Variants in POM121 observed in about 807,000 individuals in gnomAD.
The protein encoded by POM121 is nuclear envelope pore membrane protein POM 121.
A neutral mutation model predicts 81.3 loss-of-function variants in POM121; 32 were observed. The ratio of observed to expected loss-of-function variants is 0.39; its 90% CI spans 0.30 to 0.53. The LOEUF (loss-of-function observed/expected upper bound fraction) is 0.53. POM121 is among the 20% of genes least tolerant of loss of function. The pLI, the probability that POM121 is intolerant of heterozygous loss-of-function variation, is 0.66. For missense variants in POM121, 1,138 were observed against 1,614.6 expected (o/e 0.70, Z 5.06); for synonymous variants, 514 against 694.2 (o/e 0.74, Z 4.08).
At chr7:72,950,342 G>A (rs1797970838), downstream of POM121, 1 of 838,198 alleles carries the variant, frequency 1.2e-6, no homozygotes, top group Non-Finnish European at 1.9e-6. Flanking sequence ...GCAGTTGAGG[G>A]AATGGGTTGT....
chr7:72,887,293 G>C (rs530270201), intron 1 of POM121, among the ~76,000 whole-genome samples: 1 of 151,862 alleles, frequency 6.6e-6, no homozygotes, highest in African/African-American at 2.4e-5. Context: ...CTCTGTGCCG[G>C]TTGTGAACTC....
chr7:72,941,030 G>A (rs1554500824), intron 10 of POM121, 37 bp downstream of exon 10: 1 of 1,610,522 alleles, frequency 6.2e-7, no homozygotes, highest in Admixed American at 1.7e-5. Context: ...AGCCTTCTGA[G>A]CAGCATCCCC....
At chr7:72,905,219 T>G (rs1319964078) in intron 3 of POM121, among the ~76,000 whole-genome samples, 2 of 152,206 alleles carry the variant, frequency 1.3e-5, no homozygotes, top group Admixed American at 6.5e-5. Flanking sequence ...CGTTATATTT[T>G]CACTTTTAAA....
chr7:72,925,436 G>T lies in POM121; in HGVS notation c.315G>T (p.Leu105=), dbSNP rs1554497030. The T allele has an allele frequency of 1.3e-6, 2 of 1,533,878 alleles. No homozygotes were observed. The highest frequency in any genetic ancestry group is 2.4e-5 in the South Asian group (2 of 83,974). Residue 105 remains leucine (L), a synonymous_variant, in exon 1 of 13, where the codon CTG becomes CTT. Transcript: ENST00000434423. The part of the protein sequence containing the change: ...FVRKARHRRT[L]FASPLAKSTA... ...GGAAGGCGCGTCATCGGCGAACACTGTTCGCTTCGCCTCTGGCCAAGTCGA... is the reference window on the plus strand; with the variant it reads ...GGAAGGCGCGTCATCGGCGAACACTTTTCGCTTCGCCTCTGGCCAAGTCGA...
intron 3 of POM121, among the ~76,000 whole-genome samples, chr7:72,912,994 T>C (rs2129576465): frequency 6.6e-6 from 1 of 152,334 alleles, no homozygotes; most frequent in Middle Eastern, 3.4e-3. Flanking sequence ...AGGTCCCTAC[T>C]TAACTCTAAT....
At position 72,888,675 on chromosome 7, in the gene POM121, AGTGTGT is replaced by A. The variant is rs57062510; in HGVS notation, c.-520-1929_-520-1924del. Among the ~76,000 whole-genome samples the A allele has an allele frequency of 2.2e-4, 32 of 143,418 alleles. No individual in the cohort carries two copies. The East Asian group carries it at 4.8e-3, about 22-fold the overall frequency. 94.1% of individuals were successfully genotyped at this position (143,418 alleles called of 152,430 possible). ...CGGACCGAGAAGACTGAGGCATAAG[AGTGTGT>A]GTGTGTGTGTGTGTGTGTGTGTATA... On this transcript the variant is annotated intron_variant, in intron 1 of 15. Transcript: ENST00000395270.
intron 3 of POM121, among the ~76,000 whole-genome samples, chr7:72,894,881 G>GC (rs1364392900): frequency 6.6e-6 from 1 of 152,184 alleles, no homozygotes; most frequent in Non-Finnish European, 1.5e-5. Context: ...AGGCTGGAGT[G>GC]CTGTGGTGTG....
At chr7:72,910,247 C>G (rs1177798833) in intron 3 of POM121, among the ~76,000 whole-genome samples, 1 of 152,182 alleles carries the variant, frequency 6.6e-6, no homozygotes, top group African/African-American at 2.4e-5. Flanking sequence ...TCCCTTCCTT[C>G]CTTTCTTTAC....
At position 72,884,301 on chromosome 7, in the gene POM121, G is replaced by A. The variant is rs565239166; in HGVS notation, c.-521+4416G>A. On this transcript the variant is annotated intron_variant, in intron 1 of 15. Coordinates refer to the POM121 transcript ENST00000395270. ...ATTGAGTAGGCTTTTAAGCAGGAGG[G>A]TATTTTGTTTTGTTACCATCATGAG... is the stretch of plus-strand genomic sequence containing the variant. Among the ~76,000 whole-genome samples, 33 of 152,114 alleles carry A rather than the reference G, an allele frequency of 2.2e-4. No homozygotes were observed. In the East Asian group the frequency reaches 6.2e-3, roughly 28 times the overall value.
At position 72,925,261 on chromosome 7, in the gene POM121, A is replaced by G; in HGVS notation, c.140A>G (p.Tyr47Cys). Residue 47 changes from tyrosine (Y) to cysteine (C), a missense_variant, in exon 1 of 13, where the codon TAC (tyrosine) becomes TGC (cysteine). Tyr to Cys is a radical substitution (Grantham distance 194, BLOSUM62 -2). Around this residue, in one of 7 missense-constraint regions of POM121, gnomAD observed 646 missense variants for 633.5 expected, o/e 1.02. Coordinates refer to ENST00000434423, the MANE Select transcript of POM121 (RefSeq NM_001387691.1). ...LGLSLVGLLL[Y>C]LVPAAAALAW... ...CTGTCGCTGGTTGGCCTCTTACTGT[A>G]CCTCGTGCCGGCTGCGGCTGCACTG... The G allele has an allele frequency of 6.5e-7, 1 of 1,533,994 alleles. No individual in the cohort carries two copies. The highest frequency in any genetic ancestry group is 8.7e-7 in the Non-Finnish European group (1 of 1,146,250).
rs1554503660 is a variant in POM121, at chr7:72,947,860, A to C, written c.*1626A>C. The C allele has an allele frequency of 4.0e-6, 4 of 992,462 alleles. No individual in the cohort carries two copies. The highest frequency in any genetic ancestry group is 4.8e-6 in the Non-Finnish European group (4 of 833,624). The allele number at this position is 992,462 out of a possible 1,614,324, so 61.5% of individuals were successfully genotyped here. On this transcript the variant is annotated 3_prime_UTR_variant, in exon 13 of 13. Coordinates refer to ENST00000434423, the MANE Select transcript of POM121 (RefSeq NM_001387691.1). ...TAACTGGTGCCCCCTCCCCGATGTG[A>C]CTGAGGGTGAGTGAGTGGTGGCGGG...
intron 11 of POM121, among the ~76,000 whole-genome samples, chr7:72,944,294 G>GT (rs2129580736): frequency 6.6e-6 from 1 of 152,136 alleles, no homozygotes; most frequent in South Asian, 2.1e-4. Context: ...GCAGAATCAG[G>GT]CAGAAGGATG....
chr7:72,899,499 G>A (rs1242640619), intron 3 of POM121, among the ~76,000 whole-genome samples: 1 of 151,612 alleles, frequency 6.6e-6, no homozygotes, highest in East Asian at 1.9e-4. Flanking sequence ...GGAGACGGGT[G>A]TTCCAGATCA....
At chr7:72,932,636 C>T (rs1304322494) in intron 5 of POM121, among the ~76,000 whole-genome samples, 1 of 152,192 alleles carries the variant, frequency 6.6e-6, no homozygotes, top group Non-Finnish European at 1.5e-5. Flanking sequence ...GTTAAATCCC[C>T]CTACAGAGCA....
At chr7:72,936,520 G>A (rs1484784125) in intron 5 of POM121, among the ~76,000 whole-genome samples, 13 of 150,786 alleles carry the variant, frequency 8.6e-5, no homozygotes, top group Admixed American at 1.3e-4. Flanking sequence ...CTCGTGATCC[G>A]CCCACCTTGG....
At chr7:72,927,537 C>T (rs559915624) in intron 3 of POM121, among the ~76,000 whole-genome samples, 170 of 151,978 alleles carry the variant, frequency 1.1e-3, no homozygotes, top group African/African-American at 3.9e-3. Flanking sequence ...TGGTGAAACC[C>T]CATCTCTACT....
chr7:72,946,089 A>C, intron 12 of POM121, 48 bp from the exon 13 acceptor site: 1 of 1,600,334 alleles, frequency 6.2e-7, no homozygotes, highest in Non-Finnish European at 8.5e-7. Context: ...CCAGAGTCAG[A>C]GTCTCAGGTA....
At chr7:72,939,045 G>T (rs1796805066) in intron 6 of POM121, among the ~76,000 whole-genome samples, 1 of 152,216 alleles carries the variant, frequency 6.6e-6, no homozygotes, top group African/African-American at 2.4e-5. Context: ...ACTCCCTCAG[G>T]GATCACATCT....
intron 4 of POM121, among the ~76,000 whole-genome samples, chr7:72,914,633 C>G (rs1794128938): frequency 6.6e-6 from 1 of 152,094 alleles, no homozygotes; most frequent in Non-Finnish European, 1.5e-5. Context: ...CTCAGCCTCC[C>G]AAAGTGCTGG....
Sources: gnomAD v4.1 joint callset for allele counts (sites outside exome capture counted in the v4.1 genomes callset) on GRCh38, gnomAD v4.1.1 for gene constraint, gnomAD v4.1.1 regional missense constraint, MANE v1.5 for transcripts, NCBI Gene and HGNC (gene_info 2026-07-23, HGNC 2026-07-21) for gene names.